The following VAC14 variants were observed in gnomAD, a reference collection of about 807,000 sequenced individuals.
The protein encoded by VAC14 is protein VAC14 homolog.
VAC14 carries 47 observed loss-of-function variants against 85.3 expected under a neutral mutation model. The ratio of observed to expected loss-of-function variants is 0.55; its 90% CI spans 0.44 to 0.70. VAC14 has a LOEUF of 0.70. Among genes scored for constraint, VAC14 ranks in the 30% least tolerant of loss-of-function variants. The pLI, the probability that VAC14 is intolerant of heterozygous loss-of-function variation, is 0.00. For synonymous variants in VAC14, 447 were observed against 430.5 expected, an observed-to-expected ratio of 1.04 and a Z score of -0.47; for missense variants, 861 against 1,004.3, an observed-to-expected ratio of 0.86 and a Z score of 1.93.
At chr16:70,777,309 A>G (rs1030132204) in intron 9 of VAC14, among the ~76,000 whole-genome samples, 2 of 152,252 alleles carry the variant, frequency 1.3e-5, no homozygotes, top group Non-Finnish European at 2.9e-5. Context: ...AGCGATTTAC[A>G]TGCAAAAATT....
chr16:70,758,227 C>G (rs956013334), intron 12 of VAC14, among the ~76,000 whole-genome samples: 1 of 152,210 alleles, frequency 6.6e-6, no homozygotes, highest in Non-Finnish European at 1.5e-5. Flanking sequence ...ATACTTGTAA[C>G]GACAGACAGG....
At chr16:70,689,402 C>T in intron 18 of VAC14, 1 of 985,372 alleles carries the variant, frequency 1.0e-6, no homozygotes, top group Non-Finnish European at 1.2e-6. Flanking sequence ...GGAGCTCCCC[C>T]AAAACGAACT....
At chr16:70,689,385 A>C (rs2053557669) in intron 18 of VAC14, 1 of 985,080 alleles carries the variant, frequency 1.0e-6, no homozygotes, top group African/African-American at 1.7e-5. Flanking sequence ...TTTGGGGGAG[A>C]CAAAAAGGAG....
At chr16:70,725,937 T>G (rs1172711787) in intron 14 of VAC14, among the ~76,000 whole-genome samples, 2 of 152,350 alleles carry the variant, frequency 1.3e-5, no homozygotes, top group East Asian at 3.9e-4. Flanking sequence ...CAGTCCTCTC[T>G]GCAAGGCGGC....
At chr16:70,742,667 C>A (rs982702301) in intron 13 of VAC14, among the ~76,000 whole-genome samples, 1 of 152,246 alleles carries the variant, frequency 6.6e-6, no homozygotes, top group African/African-American at 2.4e-5. Context: ...GGCAGCCCTG[C>A]AGGTCTCCGG....
intron 13 of VAC14, among the ~76,000 whole-genome samples, chr16:70,740,900 C>T (rs551338128): frequency 1.3e-5 from 2 of 152,320 alleles, no homozygotes; most frequent in East Asian, 1.9e-4. Flanking sequence ...GACTCTGCCT[C>T]GGGGGGCCCT....
intron 1 of VAC14, among the ~76,000 whole-genome samples, chr16:70,799,764 C>G (rs1429423980): frequency 6.6e-6 from 1 of 152,154 alleles, no homozygotes; most frequent in Non-Finnish European, 1.5e-5. Flanking sequence ...ATGAATGTCA[C>G]ACCACGGAAT....
chr16:70,715,952 T>A (rs1467671144), intron 14 of VAC14: 1 of 152,254 alleles, frequency 6.6e-6, no homozygotes, highest in Non-Finnish European at 1.5e-5. Context: ...GCTCTATAGA[T>A]TTTTGGCTCC....
At chr16:70,711,237 C>T (rs958495799) in intron 14 of VAC14, among the ~76,000 whole-genome samples, 8 of 152,228 alleles carry the variant, frequency 5.3e-5, no homozygotes, top group Admixed American at 6.5e-5. Context: ...GCTTCCGGGG[C>T]GGCCAGAGAC....
chr16:70,739,384 C>T (rs1389761441), intron 13 of VAC14, among the ~76,000 whole-genome samples: 1 of 152,142 alleles, frequency 6.6e-6, no homozygotes, highest in Non-Finnish European at 1.5e-5. Context: ...CAGCAAATGA[C>T]AAGAAATGAG....
chr16:70,760,083 C>T (rs2032202888), intron 12 of VAC14, among the ~76,000 whole-genome samples: 5 of 152,302 alleles, frequency 3.3e-5, no homozygotes, highest in South Asian at 2.1e-4. Flanking sequence ...GAATCTTCCA[C>T]GACAACCTGT....
intron 17 of VAC14, 122 bp downstream of exon 17, chr16:70,695,422 T>G: frequency 1.0e-6 from 1 of 955,534 alleles, no homozygotes; most frequent in South Asian, 1.5e-5. Flanking sequence ...GAAGCTTCCC[T>G]GGGGTGACTG....
chr16:70,762,147 G>A lies in VAC14; in HGVS notation c.1371+393C>T, dbSNP rs768231415. Reference sequence around the variant, plus strand: ...TTTTGAGACAGGGTCTCACTCTGTCGCCCAAGCTGGAGTGCAGTGGCACGA... The same window carrying A: ...TTTTGAGACAGGGTCTCACTCTGTCACCCAAGCTGGAGTGCAGTGGCACGA... On this transcript the variant is annotated intron_variant, in intron 12 of 18. Transcript: ENST00000261776. This position sits in a 1 kb window ranked among gnomAD's most constrained non-coding sequence, Gnocchi z 4.1. 4.0e-5 allele frequency among the ~76,000 whole-genome samples: 6 copies of A among 151,688 alleles called. No individual in the cohort carries two copies. The highest frequency in any genetic ancestry group is 7.3e-5 in the African/African-American group (3 of 41,236).
chr16:70,729,811 T>C (rs2054537287), intron 14 of VAC14, among the ~76,000 whole-genome samples: 1 of 151,466 alleles, frequency 6.6e-6, no homozygotes, highest in Non-Finnish European at 1.5e-5. Context: ...AGAGTTAGTG[T>C]TCAGTAAACA....
chr16:70,766,578 C>A (rs550562238), intron 10 of VAC14: 2 of 455,774 alleles, frequency 4.4e-6, no homozygotes, highest in Non-Finnish European at 8.8e-6. Context: ...CTTCAAGGTA[C>A]GGATGAGCAA....
intron 12 of VAC14, among the ~76,000 whole-genome samples, chr16:70,752,548 G>A (rs986941740): frequency 1.2e-4 from 19 of 152,248 alleles, no homozygotes; most frequent in African/African-American, 4.6e-4. Flanking sequence ...TGCACTGAGA[G>A]CAGCACGAGA....
At chr16:70,691,926 A>G (rs1413362560) in intron 18 of VAC14, 1 of 985,386 alleles carries the variant, frequency 1.0e-6, no homozygotes, top group East Asian at 1.1e-4. Context: ...GCAAGGCGCC[A>G]GGCCTGCTGA....
chr16:70,698,500 G>A, intron 15 of VAC14, 137 bp downstream of exon 15: 4 of 1,057,706 alleles, frequency 3.8e-6, no homozygotes, highest in Non-Finnish European at 5.4e-6. Flanking sequence ...ATTTCCCAGT[G>A]GACCAGGGGA....
chr16:70,798,715 A>AG (rs2034647699), intron 1 of VAC14, among the ~76,000 whole-genome samples: 1 of 152,198 alleles, frequency 6.6e-6, no homozygotes, highest in African/African-American at 2.4e-5. Flanking sequence ...CTGATTCCAT[A>AG]GGTCTGGAGC....
Sources: allele counts gnomAD v4.1 joint callset (sites outside exome capture counted in the v4.1 genomes callset), GRCh38; gene constraint gnomAD v4.1.1; non-coding constraint Gnocchi (gnomAD v3.1); transcripts MANE v1.5; gene names NCBI Gene and HGNC (gene_info 2026-07-23, HGNC 2026-07-21).